The following MON2 variants were observed in gnomAD, a reference collection of about 807,000 sequenced individuals.
MON2 encodes MON2 regulator of endosome-to-Golgi trafficking.
Under a neutral mutation model 208.6 loss-of-function variants are expected in MON2, and 84 were observed. The observed-to-expected ratio is 0.40, with a 90% CI of 0.34 to 0.48. MON2 has a LOEUF of 0.48. MON2 is among the 20% of genes least tolerant of loss of function. The probability of loss-of-function intolerance (pLI) is 0.59; values close to 1 mark genes in which losing one functional copy is unlikely to be tolerated. For synonymous variants in MON2, 660 were observed against 694.0 expected, an observed-to-expected ratio of 0.95 and a Z score of 0.77; for missense variants, 1,611 against 2,015.4, an observed-to-expected ratio of 0.80 and a Z score of 3.84.
intron 24 of MON2, among the ~76,000 whole-genome samples, chr12:62,554,034 C>G (rs938502662): frequency 2.0e-5 from 3 of 152,146 alleles, no homozygotes; most frequent in African/African-American, 7.2e-5. Context: ...AGTAAAAGCC[C>G]TCTTTCCTTC....
Position 62,467,187 on chromosome 12 carries a change from TG to T in MON2, c.-19del. On this transcript the variant is annotated 5_prime_UTR_variant, in exon 1 of 35. Coordinates refer to ENST00000393630, the MANE Select transcript of MON2 (RefSeq NM_015026.3). ...GAGCTTGTTTGTACCTCTCGGAAAT[TG>T]GCTGGGACCTTGGAGGATCATGTCC... is the stretch of plus-strand genomic sequence containing the variant. 1 of 1,605,962 alleles carries T rather than the reference TG, an allele frequency of 6.2e-7. No individual in the cohort carries two copies. Among genetic ancestry groups the T allele is most frequent in the Non-Finnish European group, 8.5e-7 (1 of 1,177,270 alleles).
rs548740341 is a variant in MON2, at chr12:62,467,482, G to C, written c.111+164G>C. Among the ~76,000 whole-genome samples the C allele has an allele frequency of 3.3e-5, 5 of 152,268 alleles. No homozygotes were observed. The South Asian group carries it at 8.3e-4, about 25-fold the overall frequency. ...CAAGGGCTTTTTATAGTTTCCACTG[G>C]AGAGGGCTGAGGCACTTTGATTTTC... is the stretch of plus-strand genomic sequence containing the variant. On this transcript the variant is annotated intron_variant, in intron 1 of 34. Transcript: ENST00000393630.
chr12:62,470,698 C>A, intron 1 of MON2: 1 of 1,139,534 alleles, frequency 8.8e-7, no homozygotes, highest in Non-Finnish European at 1.1e-6. Context: ...TTCCTATTTG[C>A]AGGTACAGAT....
chr12:62,534,518 C>CA (rs869145698), intron 12 of MON2, among the ~76,000 whole-genome samples: 20 of 67,442 alleles, frequency 3.0e-4, no homozygotes, highest in South Asian at 5.6e-4. Flanking sequence ...GACTCCATCG[C>CA]AAAAAAAAAA....
At chr12:62,568,745 C>T (rs368300810) in intron 29 of MON2, among the ~76,000 whole-genome samples, 7 of 151,948 alleles carry the variant, frequency 4.6e-5, no homozygotes, top group African/African-American at 1.4e-4. Flanking sequence ...CTCCACCTCC[C>T]GGGTTCAAGC....
At chr12:62,537,446 T>G (rs575511741) in intron 15 of MON2, among the ~76,000 whole-genome samples, 156 bp from the exon 16 acceptor site, 1 of 152,386 alleles carries the variant, frequency 6.6e-6, no homozygotes, top group African/African-American at 2.4e-5. Flanking sequence ...ATAATACAAC[T>G]TTTAATCAAA....
intron 8 of MON2, among the ~76,000 whole-genome samples, chr12:62,521,966 G>A (rs942419509): frequency 3.8e-4 from 58 of 152,322 alleles, no homozygotes; most frequent in African/African-American, 1.3e-3. Flanking sequence ...GCCAAGGCGG[G>A]TGGATCACTT....
intron 33 of MON2, among the ~76,000 whole-genome samples, chr12:62,587,532 C>T (rs187607956): frequency 1.4e-3 from 205 of 151,366 alleles, no homozygotes; most frequent in African/African-American, 4.9e-3. Flanking sequence ...CCCAGGAGTT[C>T]GAGACCAGCA....
intron 13 of MON2, 78 bp downstream of exon 13, chr12:62,535,004 C>T (rs186612243): frequency 6.9e-5 from 72 of 1,037,022 alleles, no homozygotes; most frequent in Admixed American, 4.7e-4. Flanking sequence ...TTACATTTGT[C>T]CCTAGAATTA....
chr12:62,559,952 G>A (rs903411700), intron 25 of MON2: 1 of 152,380 alleles, frequency 6.6e-6, no homozygotes, highest in African/African-American at 2.4e-5. Flanking sequence ...GGTTAAGAAC[G>A]AGAACTTCTT....
chr12:62,514,594 T>C (rs779071479), intron 8 of MON2, among the ~76,000 whole-genome samples: 3 of 152,148 alleles, frequency 2.0e-5, no homozygotes, highest in Non-Finnish European at 4.4e-5. Flanking sequence ...GAGAAAGACC[T>C]GTCCCCATGA....
rs1161857347 is a variant in MON2 at position 62,547,053 on chromosome 12, G to A, written c.2734G>A (p.Ala912Thr). 3 of 1,587,190 alleles carry A rather than the reference G, an allele frequency of 1.9e-6. No homozygotes were observed. Among genetic ancestry groups the A allele is most frequent in the East Asian group, 2.3e-5 (1 of 43,720 alleles). The change falls in exon 22 of 35, where the codon GCA (alanine) becomes ACA (threonine). Residue 912 changes from alanine to threonine, a missense_variant. Ala to Thr is a moderately conservative substitution (Grantham distance 58). Coordinates refer to ENST00000393630, the MANE Select transcript of MON2 (RefSeq NM_015026.3). ...GWPLVLGVMG[A>T]IRNDQGESLI... ...GCCATTAGTGCTTGGAGTCATGGGA[G>A]CAATCAGAAATGATCAAGGGTAAGT... is the stretch of plus-strand genomic sequence containing the variant.
chr12:62,534,079 G>A (rs910189129), intron 12 of MON2, among the ~76,000 whole-genome samples: 1 of 152,126 alleles, frequency 6.6e-6, no homozygotes, highest in Admixed American at 6.5e-5. Flanking sequence ...AGTTTGGGTT[G>A]ATGAAGGCAA....
At chr12:62,484,282 A>T (rs760328140) in intron 2 of MON2, 49 bp downstream of exon 2, 2 of 1,180,776 alleles carry the variant, frequency 1.7e-6, no homozygotes, top group South Asian at 1.4e-5. Context: ...TTTGACTAAT[A>T]GTAAAAGTAG....
At chr12:62,562,080 G>A (rs1486381467) in intron 26 of MON2, among the ~76,000 whole-genome samples, 1 of 152,074 alleles carries the variant, frequency 6.6e-6, no homozygotes, top group African/African-American at 2.4e-5. Flanking sequence ...TTCTACAATT[G>A]AACTCAAAAT....
intron 33 of MON2, among the ~76,000 whole-genome samples, chr12:62,585,964 A>G (rs974420163): frequency 1.3e-5 from 2 of 152,090 alleles, no homozygotes; most frequent in African/African-American, 4.8e-5. Context: ...TCTTCTTTTC[A>G]TCCAATCTGC....
At chr12:62,561,809 T>A (rs991181584) in intron 26 of MON2, among the ~76,000 whole-genome samples, 3 of 152,156 alleles carry the variant, frequency 2.0e-5, no homozygotes, top group African/African-American at 7.2e-5. Context: ...CTAATAAGAT[T>A]GGAGTAGATC....
chr12:62,558,761 G>C (rs1195339669), intron 25 of MON2, among the ~76,000 whole-genome samples: 4 of 147,258 alleles, frequency 2.7e-5, no homozygotes, highest in Non-Finnish European at 4.5e-5. Context: ...GCAGTGGTGT[G>C]ATCTCGGCTC....
chr12:62,587,485 G>A (rs1055150721), intron 33 of MON2, among the ~76,000 whole-genome samples: 4 of 151,930 alleles, frequency 2.6e-5, no homozygotes, highest in Non-Finnish European at 4.4e-5. Context: ...TTAGGAGGCC[G>A]AGGCAGGAGG....
Sources: allele counts gnomAD v4.1 joint callset (sites outside exome capture counted in the v4.1 genomes callset), GRCh38; gene constraint gnomAD v4.1.1; transcripts MANE v1.5; gene names NCBI Gene and HGNC (gene_info 2026-07-23, HGNC 2026-07-21).